Variants in GLYATL2 observed in about 807,000 individuals in gnomAD.
GLYATL2 encodes glycine-N-acyltransferase like 2.
Under a neutral mutation model 21.4 loss-of-function variants are expected in GLYATL2, and 25 were observed. The ratio of observed to expected loss-of-function variants is 1.17; its 90% confidence interval spans 0.85 to 1.63. The LOEUF (loss-of-function observed/expected upper bound fraction) is 1.63. Among genes scored for constraint, GLYATL2 ranks in the 40% most tolerant of loss-of-function variants. The pLI is 0.00. For missense variants in GLYATL2, 361 were observed against 343.3 expected (o/e 1.05, Z -0.41); for synonymous variants, 114 against 118.2 (o/e 0.96, Z 0.23).
chr11:58,897,188 T>C (rs1241972195), intron 1 of GLYATL2, among the ~76,000 whole-genome samples: 1 of 152,204 alleles, frequency 6.6e-6, no homozygotes, highest in South Asian at 2.1e-4. Context: ...TGTGCCTTTC[T>C]AGAGTCCTTG....
chr11:58,854,927 GA>G (rs1853803018), intron 1 of GLYATL2, among the ~76,000 whole-genome samples: 1 of 152,178 alleles, frequency 6.6e-6, no homozygotes, highest in South Asian at 2.1e-4. Flanking sequence ...GTTTTATCAT[GA>G]GATTGTAGCA....
intron 1 of GLYATL2, among the ~76,000 whole-genome samples, chr11:58,874,570 T>C (rs1854190829): frequency 6.6e-6 from 1 of 152,220 alleles, no homozygotes; most frequent in African/African-American, 2.4e-5. Context: ...CAGGAGCAGG[T>C]TGTTCAGTTT....
intron 1 of GLYATL2, among the ~76,000 whole-genome samples, chr11:58,896,290 C>T (rs1158430906): frequency 6.6e-6 from 1 of 152,174 alleles, no homozygotes; most frequent in Non-Finnish European, 1.5e-5. Flanking sequence ...CCTGGCACAA[C>T]CAATCCTCTG....
At chr11:58,894,209 G>A (rs866913071) in intron 1 of GLYATL2, among the ~76,000 whole-genome samples, 13 of 152,224 alleles carry the variant, frequency 8.5e-5, no homozygotes, top group Middle Eastern at 3.4e-3. Flanking sequence ...AAGGGGTCAG[G>A]GGCATTCCTG....
At chr11:58,908,412 T>C (rs1473895480), upstream of GLYATL2, 1 of 159,386 alleles carries the variant, frequency 6.3e-6, no homozygotes, top group Non-Finnish European at 1.4e-5. Flanking sequence ...ATTCAATCCT[T>C]GGTTCTCCAT....
chr11:58,853,152 A>G (rs1017707814), intron 1 of GLYATL2, among the ~76,000 whole-genome samples: 2 of 152,214 alleles, frequency 1.3e-5, no homozygotes, highest in Admixed American at 1.3e-4. Context: ...TAAAGTATAG[A>G]CAATTATACT....
chr11:58,860,663 A>C (rs1435212845), intron 1 of GLYATL2, among the ~76,000 whole-genome samples: 1 of 152,094 alleles, frequency 6.6e-6, no homozygotes, highest in Non-Finnish European at 1.5e-5. Flanking sequence ...GAGGGTGAGC[A>C]TCCTTGCCTT....
At chr11:58,861,581 T>C (rs1853932573) in intron 1 of GLYATL2, among the ~76,000 whole-genome samples, 1 of 152,006 alleles carries the variant, frequency 6.6e-6, no homozygotes, top group South Asian at 2.1e-4. Flanking sequence ...CTCTGATCTT[T>C]ATTTTTTCCT....
chr11:58,837,602 G>A (rs1202348879), intron 3 of GLYATL2, among the ~76,000 whole-genome samples: 1 of 152,210 alleles, frequency 6.6e-6, no homozygotes, highest in Non-Finnish European at 1.5e-5. Flanking sequence ...ACTAAAGTGA[G>A]CTGCCCTTGA....
chr11:58,849,216 A>G (rs1853695989), upstream of GLYATL2, among the ~76,000 whole-genome samples: 1 of 152,246 alleles, frequency 6.6e-6, no homozygotes, highest in Admixed American at 6.5e-5. Flanking sequence ...AGAAAGGAAC[A>G]TTAGTGAGCA....
At chr11:58,862,039 T>C (rs1280399561) in intron 1 of GLYATL2, among the ~76,000 whole-genome samples, 3 of 63,634 alleles carry the variant, frequency 4.7e-5, no homozygotes, top group Non-Finnish European at 1.1e-4. Context: ...TCTCCATTAT[T>C]TGCAAAAACA....
intron 1 of GLYATL2, among the ~76,000 whole-genome samples, chr11:58,877,289 G>A (rs541678862): frequency 6.6e-5 from 10 of 152,026 alleles, no homozygotes; most frequent in South Asian, 2.1e-4. Flanking sequence ...TGCTGCACCC[G>A]CTATACAGCA....
chr11:58,880,154 G>C lies in GLYATL2; in HGVS notation n.60+24002C>G, dbSNP rs141148129. On this transcript the variant is annotated intron_variant and non_coding_transcript_variant, in intron 1 of 4. Coordinates refer to the GLYATL2 transcript ENST00000533636. ...ATTACAGGCGTGAGCCACCGTGCCC[G>C]GCCAACAGTTTCTTAAAGAGTATGG... Among the ~76,000 whole-genome samples the C allele has an allele frequency of 3.8e-3, 585 of 152,220 alleles. 7 individuals are homozygous for C. The highest frequency in any genetic ancestry group is 4.4e-3 in the Admixed American group (68 of 15,300).
At chr11:58,872,114 AT>A (rs1369385015) in intron 1 of GLYATL2, among the ~76,000 whole-genome samples, 1 of 152,000 alleles carries the variant, frequency 6.6e-6, no homozygotes, top group Non-Finnish European at 1.5e-5. Flanking sequence ...TCCTTCACCC[AT>A]TTTTTGATGG....
chr11:58,908,085 C>T (rs1186207900), upstream of GLYATL2: 2 of 152,406 alleles, frequency 1.3e-5, no homozygotes, highest in Non-Finnish European at 2.9e-5. Context: ...CACTGCACAT[C>T]TCTGATCCTC....
intron 5 of GLYATL2, among the ~76,000 whole-genome samples, chr11:58,835,636 A>C (rs1853415748): frequency 6.6e-6 from 1 of 152,150 alleles, no homozygotes; most frequent in Admixed American, 6.5e-5. Flanking sequence ...GGGTAACAGA[A>C]CGCTAAGTTT....
At chr11:58,884,020 CT>C (rs2134615102) in intron 1 of GLYATL2, among the ~76,000 whole-genome samples, 1 of 152,272 alleles carries the variant, frequency 6.6e-6, no homozygotes, top group South Asian at 2.1e-4. Flanking sequence ...TTCAACAGTC[CT>C]TCACGCTAAA....
At chr11:58,843,673 A>T (rs1362543978) in intron 1 of GLYATL2, among the ~76,000 whole-genome samples, 1 of 152,228 alleles carries the variant, frequency 6.6e-6, no homozygotes, top group Non-Finnish European at 1.5e-5. Context: ...AGAAAAAGCC[A>T]TGGAAGAAAG....
intron 1 of GLYATL2, among the ~76,000 whole-genome samples, chr11:58,869,498 C>T (rs190410330): frequency 6.6e-6 from 1 of 152,238 alleles, no homozygotes; most frequent in East Asian, 1.9e-4. Context: ...TCAAGGCTAA[C>T]AAAGTTCAGC....
Sources: allele counts gnomAD v4.1 joint callset (sites outside exome capture counted in the v4.1 genomes callset), GRCh38; gene constraint gnomAD v4.1.1; transcripts MANE v1.5; gene names NCBI Gene and HGNC (gene_info 2026-07-23, HGNC 2026-07-21).